PCDH11Y: variants seen among roughly 807,000 people sequenced by gnomAD.
The protein encoded by PCDH11Y is protocadherin-11 Y-linked.
For missense variants in PCDH11Y, 12 were observed against 224.8 expected, an observed-to-expected ratio of 0.05 and a Z score of 6.05; for synonymous variants, 9 against 83.6, an observed-to-expected ratio of 0.11 and a Z score of 4.87.
At chrY:5,191,307 A>T (rs2052912299) in intron 2 of PCDH11Y, among the ~76,000 whole-genome samples, 3 of 33,246 alleles carry the variant, frequency 9.0e-5, no homozygotes, top group Non-Finnish European at 1.5e-4. Flanking sequence ...AGTAAAATTT[A>T]AAAAATAAAT....
At chrY:5,512,963 G>C in intron 3 of PCDH11Y, among the ~76,000 whole-genome samples, 1 of 33,325 alleles carries the variant, frequency 3.0e-5, no homozygotes, top group African/African-American at 1.2e-4. Context: ...TCTTCTTTCT[G>C]TATATCTGTC....
intron 2 of PCDH11Y, among the ~76,000 whole-genome samples, chrY:5,378,247 C>G (rs2053200592): frequency 3.6e-5 from 1 of 27,578 alleles, no homozygotes; most frequent in Non-Finnish European, 8.2e-5. Context: ...AATCCTATTA[C>G]AGATTGCAAT....
At chrY:5,487,777 T>C in intron 2 of PCDH11Y, among the ~76,000 whole-genome samples, 1 of 33,504 alleles carries the variant, frequency 3.0e-5, no homozygotes, top group Non-Finnish European at 7.4e-5. Context: ...GTCAAACTTG[T>C]TTTAAAAAAT....
intron 2 of PCDH11Y, among the ~76,000 whole-genome samples, chrY:5,486,236 C>G: frequency 3.0e-5 from 1 of 33,042 alleles, no homozygotes; most frequent in Admixed American, 2.8e-4. Flanking sequence ...TCCTCTGGAT[C>G]TGAGATGTGT....
At chrY:5,189,264 C>T in intron 2 of PCDH11Y, among the ~76,000 whole-genome samples, 1 of 34,056 alleles carries the variant, frequency 2.9e-5, no homozygotes, top group South Asian at 6.4e-4. Context: ...CACTATTGAG[C>T]ATCACAGTCT....
chrY:5,183,203 C>T (rs2052903129), intron 2 of PCDH11Y, among the ~76,000 whole-genome samples: 1 of 33,399 alleles, frequency 3.0e-5, no homozygotes. Flanking sequence ...GGTGGGGTTG[C>T]GCAATCACTA....
At chrY:5,067,108 A>C in intron 1 of PCDH11Y, among the ~76,000 whole-genome samples, 1 of 32,635 alleles carries the variant, frequency 3.1e-5, no homozygotes, top group African/African-American at 1.2e-4. Context: ...TCTATAATCT[A>C]TTTTCCCTAT....
intron 4 of PCDH11Y, among the ~76,000 whole-genome samples, chrY:5,597,796 G>A: frequency 3.1e-5 from 1 of 32,279 alleles, no homozygotes; most frequent in East Asian, 8.3e-4. Context: ...ACATAAGAAT[G>A]ATACAATGGA....
intron 2 of PCDH11Y, among the ~76,000 whole-genome samples, chrY:5,365,497 C>T: frequency 1.2e-4 from 4 of 32,669 alleles, no homozygotes; most frequent in African/African-American, 2.4e-4. Flanking sequence ...TAAAAGTTGA[C>T]GAGTACATAA....
At chrY:5,166,871 C>A in intron 2 of PCDH11Y, among the ~76,000 whole-genome samples, 3 of 32,296 alleles carry the variant, frequency 9.3e-5, no homozygotes, top group South Asian at 1.4e-3. Context: ...TACGAAAAAT[C>A]TCTGTACCTT....
At chrY:5,086,216 C>G in intron 1 of PCDH11Y, among the ~76,000 whole-genome samples, 1 of 33,204 alleles carries the variant, frequency 3.0e-5, no homozygotes, top group Admixed American at 2.8e-4. Flanking sequence ...CTGACACATT[C>G]TTCAGTGTAT....
chrY:5,052,118 T>C (rs2052653535), upstream of PCDH11Y, among the ~76,000 whole-genome samples: 3 of 33,047 alleles, frequency 9.1e-5, no homozygotes, highest in African/African-American at 3.5e-4. Context: ...TAACATATTA[T>C]GGCTGTTAAA....
chrY:5,408,913 T>C (rs2053243729), intron 2 of PCDH11Y, among the ~76,000 whole-genome samples: 1 of 32,813 alleles, frequency 3.0e-5, no homozygotes, highest in Non-Finnish European at 7.5e-5. Flanking sequence ...TTCCATTTTG[T>C]TTATACATTT....
intron 2 of PCDH11Y, among the ~76,000 whole-genome samples, chrY:5,456,564 G>T: frequency 3.0e-5 from 1 of 33,747 alleles, no homozygotes; most frequent in African/African-American, 1.2e-4. Flanking sequence ...GCAAAGATGT[G>T]GAATCAACCT....
chrY:5,444,514 A>C (rs2053285724), intron 2 of PCDH11Y, among the ~76,000 whole-genome samples: 35 of 33,185 alleles, frequency 1.1e-3, no homozygotes, highest in African/African-American at 3.7e-3. Flanking sequence ...GGAAATGCAA[A>C]ATAAAATAAC....
At chrY:5,253,660 C>T in intron 2 of PCDH11Y, among the ~76,000 whole-genome samples, 1 of 32,992 alleles carries the variant, frequency 3.0e-5, no homozygotes, top group African/African-American at 1.2e-4. Context: ...TTATTACACT[C>T]CCCAGGAGTA....
chrY:5,308,994 C>T (rs369392929), intron 2 of PCDH11Y, among the ~76,000 whole-genome samples: 1 of 30,616 alleles, frequency 3.3e-5, no homozygotes, highest in South Asian at 7.5e-4. Context: ...GCAGGAGAAT[C>T]GCTTGAACCA....
intron 1 of PCDH11Y, among the ~76,000 whole-genome samples, chrY:5,017,460 A>C: frequency 3.0e-5 from 1 of 33,027 alleles, no homozygotes; most frequent in Admixed American, 2.8e-4. Context: ...ATGAGAAAGA[A>C]TCTCCTTGAT....
At chrY:5,249,723 C>T in intron 2 of PCDH11Y, among the ~76,000 whole-genome samples, 2 of 31,580 alleles carry the variant, frequency 6.3e-5, no homozygotes, top group East Asian at 1.7e-3. Context: ...AGCTTCTGCA[C>T]AGCAAAAAAA....
Sources: allele counts gnomAD v4.1 joint callset (sites outside exome capture counted in the v4.1 genomes callset), GRCh38; gene constraint gnomAD v4.1.1; transcripts MANE v1.5; gene names NCBI Gene and HGNC (gene_info 2026-07-23, HGNC 2026-07-21).